Variants in BANP observed in about 807,000 individuals in gnomAD.
The protein encoded by BANP is protein BANP.
BANP carries 11 observed loss-of-function variants against 68.1 expected under a neutral mutation model. That is an observed-to-expected ratio of 0.16 (90% confidence interval 0.10 to 0.27). The LOEUF (loss-of-function observed/expected upper bound fraction) is 0.27. BANP is among the 10% of genes least tolerant of loss of function. The probability of loss-of-function intolerance (pLI) is 1.00; values close to 1 mark genes in which losing one functional copy is unlikely to be tolerated. For missense variants in BANP, 504 were observed against 722.7 expected (o/e 0.70, Z 3.47); for synonymous variants, 329 against 303.2 (o/e 1.09, Z -0.88).
At position 87,984,186 on chromosome 16, in the gene BANP, C is replaced by T; in HGVS notation, c.289C>T (p.His97Tyr). Residue 97 changes from histidine to tyrosine, a missense_variant, in exon 4 of 14, where the codon CAC (histidine) becomes TAC (tyrosine). Transcript: ENST00000682872. Reference protein sequence around the residue: ...EKLDLVTNKQHSPIQVPMVAG... With the variant: ...EKLDLVTNKQYSPIQVPMVAG... ...GCTGGATCTGGTCACGAACAAGCAG[C>T]ACAGCCCCATCCAGGTCCCCATGGT... 1.2e-6 allele frequency: 2 copies of T among 1,607,598 alleles called. No individual in the cohort carries two copies. Among genetic ancestry groups the T allele is most frequent in the Non-Finnish European group, 1.7e-6 (2 of 1,176,310 alleles).
At chr16:88,014,396 C>T (rs76875342) in intron 6 of BANP, among the ~76,000 whole-genome samples, 2,193 of 151,610 alleles carry the variant, frequency 0.014, 58 homozygotes, top group African/African-American at 0.051. Flanking sequence ...GGTGGCAGCA[C>T]CCCCCAGGAG....
intron 13 of BANP, among the ~76,000 whole-genome samples, chr16:88,076,284 C>T (rs1599210079): frequency 6.6e-6 from 1 of 152,112 alleles, no homozygotes; most frequent in Admixed American, 6.5e-5. Flanking sequence ...AGTGAGGCAG[C>T]GGGTTGGGGG....
At chr16:88,031,489 A>G (rs1208215706) in intron 8 of BANP, among the ~76,000 whole-genome samples, 1 of 151,962 alleles carries the variant, frequency 6.6e-6, no homozygotes, top group South Asian at 2.1e-4. Flanking sequence ...ACAAAAAAAT[A>G]CAAAAAAAAA....
chr16:88,001,618 ATTTACT>A (rs2069371778), intron 4 of BANP, among the ~76,000 whole-genome samples: 1 of 152,336 alleles, frequency 6.6e-6, no homozygotes, highest in African/African-American at 2.4e-5. Flanking sequence ...CATTAAAATA[ATTTACT>A]TTTACAGCAT....
intron 13 of BANP, among the ~76,000 whole-genome samples, chr16:88,075,020 G>A (rs1304307562): frequency 6.6e-6 from 1 of 152,114 alleles, no homozygotes. Flanking sequence ...CCTGGGCAAC[G>A]TAGCGAGACC....
chr16:88,054,162 C>T (rs1175932217), intron 11 of BANP, among the ~76,000 whole-genome samples: 2 of 115,256 alleles, frequency 1.7e-5, no homozygotes, highest in African/African-American at 6.2e-5. Context: ...CCTCCACCAT[C>T]ATCTCCATCA....
At chr16:88,069,389 C>A (rs1599108598) in intron 12 of BANP, among the ~76,000 whole-genome samples, 1 of 152,194 alleles carries the variant, frequency 6.6e-6, no homozygotes, top group Non-Finnish European at 1.5e-5. Context: ...GCTTTAAAAC[C>A]ACAGGCTGTA....
At chr16:88,069,693 C>T (rs1023384933) in intron 12 of BANP, among the ~76,000 whole-genome samples, 2 of 152,232 alleles carry the variant, frequency 1.3e-5, no homozygotes, top group Non-Finnish European at 2.9e-5. Flanking sequence ...GCCAGCAGCC[C>T]CTTTGTCAGC....
chr16:88,015,904 C>T (rs1362478654), intron 6 of BANP, among the ~76,000 whole-genome samples: 1 of 152,248 alleles, frequency 6.6e-6, no homozygotes, highest in African/African-American at 2.4e-5. Context: ...GGCTGTTTCC[C>T]GCGGCCCCGG....
intron 2 of BANP, among the ~76,000 whole-genome samples, chr16:87,979,755 T>C (rs1046950310): frequency 2.6e-5 from 4 of 152,218 alleles, no homozygotes; most frequent in African/African-American, 9.6e-5. Context: ...TGCACGTATA[T>C]AATATCTATT....
At position 88,057,560 on chromosome 16, in the gene BANP, G is replaced by A. The variant is rs938589847; in HGVS notation, c.1312-7707G>A. Among the ~76,000 whole-genome samples the A allele has an allele frequency of 1.3e-5, 2 of 151,964 alleles. No individual in the cohort carries two copies. The highest frequency in any genetic ancestry group is 1.9e-4 in the East Asian group (1 of 5,186). On this transcript the variant is annotated intron_variant, in intron 11 of 13. Coordinates refer to ENST00000682872, the MANE Select transcript of BANP (RefSeq NM_001386991.1). This position sits in a 1 kb window ranked among gnomAD's most constrained non-coding sequence, Gnocchi z 4.6. ...TTCATGCTGATTCTGTTTAGGCCCC[G>A]GCTTTTCCCTCATGCAAAATGCAGG... is the stretch of plus-strand genomic sequence containing the variant.
chr16:87,960,034 G>C (rs1336621677), intron 1 of BANP: 1 of 152,578 alleles, frequency 6.6e-6, no homozygotes, highest in Non-Finnish European at 1.5e-5. Flanking sequence ...GGGGGTGACA[G>C]GTGTCCCCGG....
chr16:88,056,677 G>C (rs1429031623), intron 11 of BANP, among the ~76,000 whole-genome samples: 1 of 152,096 alleles, frequency 6.6e-6, no homozygotes, highest in Non-Finnish European at 1.5e-5. Context: ...CCCCGCATCA[G>C]ACTCTGTGAT....
intron 2 of BANP, among the ~76,000 whole-genome samples, chr16:87,978,956 A>T (rs542370509): frequency 5.3e-5 from 8 of 152,330 alleles, no homozygotes; most frequent in African/African-American, 1.4e-4. Context: ...TGACTACAAA[A>T]ACAATGTCAA....
At chr16:88,041,204 C>G (rs2080709402) in intron 11 of BANP, among the ~76,000 whole-genome samples, 1 of 152,362 alleles carries the variant, frequency 6.6e-6, no homozygotes, top group South Asian at 2.1e-4. Context: ...CAGTGGACAG[C>G]TTCTCTGAAA....
At chr16:87,962,883 T>G (rs2059433056) in intron 1 of BANP, among the ~76,000 whole-genome samples, 1 of 152,268 alleles carries the variant, frequency 6.6e-6, no homozygotes, top group Non-Finnish European at 1.5e-5. Flanking sequence ...AGGCTGAGAC[T>G]TCTTCACATG....
In BANP at chr16:88,018,684, C is replaced by A. The variant is rs776897239; in HGVS notation, c.895+17C>A. On this transcript the variant is annotated intron_variant, in intron 7 of 13. Transcript: ENST00000682872. The surrounding 1 kb of genome is among the most constrained non-coding windows in gnomAD (Gnocchi z 7.7). The stretch of plus-strand genomic sequence containing the variant: ...GCATCCGGTGTAAGTCGGGCCCCGC[C>A]TTGGGGGACTGGGGTGTGCGGGGAG... The A allele has an allele frequency of 6.4e-7, 1 of 1,551,790 alleles. No individual in the cohort carries two copies. Among genetic ancestry groups the A allele is most frequent in the Admixed American group, 1.9e-5 (1 of 51,394 alleles).
Position 87,961,409 on chromosome 16 carries a change from A to G in BANP, c.-69+9894A>G, listed in dbSNP as rs7204840. Among the ~76,000 whole-genome samples, 76 of 130,386 alleles carry G rather than the reference A, an allele frequency of 5.8e-4. 4 individuals carry two copies. In the East Asian group the frequency reaches 9.1e-3, roughly 16 times the overall value. The allele number at this position is 130,386 out of a possible 152,430, so 85.5% of individuals were successfully genotyped here. On this transcript the variant is annotated intron_variant, in intron 1 of 13. Coordinates refer to ENST00000682872, the MANE Select transcript of BANP (RefSeq NM_001386991.1). ...GAACTCCTGGACTCACAGAATCTGC[A>G]CCCCCCCGGGCCTCCCAAAGTGCTG...
intron 1 of BANP, among the ~76,000 whole-genome samples, chr16:87,971,299 T>TC (rs2061076973): frequency 6.6e-6 from 1 of 152,140 alleles, no homozygotes; most frequent in Admixed American, 6.5e-5. Flanking sequence ...GATAGGGTGC[T>TC]CCGCTAGCCG....
Sources: gnomAD v4.1 joint callset for allele counts (sites outside exome capture counted in the v4.1 genomes callset) on GRCh38, gnomAD v4.1.1 for gene constraint, Gnocchi (gnomAD v3.1) non-coding constraint, MANE v1.5 for transcripts, NCBI Gene and HGNC (gene_info 2026-07-23, HGNC 2026-07-21) for gene names.